The following YEATS2 variants were observed in gnomAD, a reference collection of about 807,000 sequenced individuals.
YEATS2 encodes YEATS domain-containing protein 2.
A neutral mutation model predicts 163.2 loss-of-function variants in YEATS2; 77 were observed. The ratio of observed to expected loss-of-function variants is 0.47; its 90% CI spans 0.39 to 0.57. The LOEUF is 0.57. Ranked by LOEUF, YEATS2 falls within the 20% of genes least tolerant of loss-of-function variation. YEATS2 has a pLI of 0.00. For synonymous variants in YEATS2, 631 were observed against 645.1 expected (o/e 0.98, Z 0.33); for missense variants, 1,549 against 1,729.8 (o/e 0.90, Z 1.85).
rs1052845126 is a variant in YEATS2 at position 183,773,670 on chromosome 3, C to T, written c.2244C>T (p.Ala748=). Residue 748 remains alanine (A), a synonymous_variant, in exon 17 of 31, where the codon GCC becomes GCT. Coordinates refer to ENST00000305135, the MANE Select transcript of YEATS2 (RefSeq NM_018023.5). ...ATLQLPATNL[A]NLANLPPGTK... is the part of the protein sequence containing the mutation. ...TGCAGCTACCAGCCACTAATTTGGCCAACTTGGCAAATTTGCCTCCTGGCA... is the reference window on the plus strand; with the variant it reads ...TGCAGCTACCAGCCACTAATTTGGCTAACTTGGCAAATTTGCCTCCTGGCA... The T allele has an allele frequency of 4.3e-6, 7 of 1,610,752 alleles. No homozygotes were observed. The highest frequency in any genetic ancestry group is 5.9e-6 in the Non-Finnish European group (7 of 1,178,972).
chr3:183,703,737 T>G (rs1714344189), intron 1 of YEATS2, among the ~76,000 whole-genome samples: 1 of 152,022 alleles, frequency 6.6e-6, no homozygotes, highest in South Asian at 2.1e-4. Flanking sequence ...ATTCTTAGAG[T>G]GTACATTGAA....
At position 183,810,362 on chromosome 3, in the gene YEATS2, C is replaced by T. The variant is rs1485375798; in HGVS notation, c.4161-113C>T. ...CTAAGCTATGTCTGTGGCTCAGGAGCCCTCTCCACGGGGCCTCTGCCTGGG... is the reference window on the plus strand; with the variant it reads ...CTAAGCTATGTCTGTGGCTCAGGAGTCCTCTCCACGGGGCCTCTGCCTGGG... On this transcript the variant is annotated intron_variant, in intron 30 of 30. Coordinates refer to ENST00000305135, the MANE Select transcript of YEATS2 (RefSeq NM_018023.5). 4.4e-6 allele frequency: 4 copies of T among 907,406 alleles called. No homozygotes were observed. The East Asian group carries it at 1.1e-4, about 24-fold the overall frequency. The allele number at this position is 907,406 out of a possible 1,614,324, so 56.2% of individuals were successfully genotyped here.
chr3:183,799,044 C>G (rs926476755), intron 23 of YEATS2, 55 bp downstream of exon 23: 2 of 1,320,352 alleles, frequency 1.5e-6, no homozygotes, highest in African/African-American at 2.9e-5. Flanking sequence ...TTTTTATTGT[C>G]GTTCACGTTC....
chr3:183,807,080 T>C lies in YEATS2; in HGVS notation c.3999T>C (p.Asp1333=). The stretch of plus-strand genomic sequence containing the variant: ...CCCCAGGGTCTGAATTTATTGGGGA[T>C]GTCACACAGAAGGTAGGGGTTGTGG... The part of the protein sequence containing the change: ...PPTPGSEFIG[D]VTQKIGITLQ... Residue 1333 remains aspartate, a synonymous_variant, in exon 28 of 31, where the codon GAT becomes GAC. Coordinates refer to ENST00000305135, the MANE Select transcript of YEATS2 (RefSeq NM_018023.5). The C allele has an allele frequency of 6.2e-7, 1 of 1,613,402 alleles. No individual in the cohort carries two copies. Among genetic ancestry groups the C allele is most frequent in the Middle Eastern group, 1.6e-4 (1 of 6,062 alleles).
intron 30 of YEATS2, chr3:183,810,265 A>G (rs141073005): frequency 1.6e-5 from 8 of 496,410 alleles, no homozygotes. Context: ...CTTTTTTCCT[A>G]ATTATTCAAC....
At chr3:183,763,239 C>A (rs1337759210) in intron 15 of YEATS2, among the ~76,000 whole-genome samples, 1 of 152,108 alleles carries the variant, frequency 6.6e-6, no homozygotes, top group African/African-American at 2.4e-5. Context: ...CACACTTAGG[C>A]TGTATGGTGT....
chr3:183,734,266 G>A (rs1465212319), intron 7 of YEATS2, among the ~76,000 whole-genome samples: 2 of 152,172 alleles, frequency 1.3e-5, no homozygotes, highest in African/African-American at 4.8e-5. Flanking sequence ...GTCACCTTGG[G>A]GACATGGACT....
chr3:183,803,868 CT>C, intron 26 of YEATS2, 118 bp from the exon 27 acceptor site: 6 of 1,112,244 alleles, frequency 5.4e-6, no homozygotes, highest in East Asian at 5.2e-5. Context: ...AGGTTTTTTT[CT>C]TTAAAAAAAA....
chr3:183,791,504 T>G (rs1724651200), intron 21 of YEATS2, among the ~76,000 whole-genome samples: 1 of 152,248 alleles, frequency 6.6e-6, no homozygotes. Context: ...ACTATTTGAA[T>G]TTTTGAATGA....
chr3:183,798,108 T>G (rs2108507525), intron 22 of YEATS2, 57 bp downstream of exon 22: 1 of 1,602,510 alleles, frequency 6.2e-7, no homozygotes, highest in East Asian at 2.2e-5. Flanking sequence ...TCTCCCCGCA[T>G]TTACCAGGTG....
Position 183,728,866 on chromosome 3 carries a change from G to A in YEATS2, c.812+15G>A. 3 of 1,597,428 alleles carry A rather than the reference G, an allele frequency of 1.9e-6. No homozygotes were observed. Among genetic ancestry groups the A allele is most frequent in the Non-Finnish European group, 2.6e-6 (3 of 1,174,588 alleles). On this transcript the variant is annotated intron_variant, in intron 7 of 30. Transcript: ENST00000305135. ...GTGGAAGTTAGGTAAGCACGCTTGA[G>A]GTATTTAACCTAAATTGAAATGCAG...
chr3:183,792,347 G>C (rs541302208), intron 21 of YEATS2, among the ~76,000 whole-genome samples: 333 of 151,996 alleles, frequency 2.2e-3, no homozygotes, highest in African/African-American at 7.6e-3. Context: ...TCCCTGTGTC[G>C]ATGTGTTCTC....
intron 29 of YEATS2, chr3:183,808,786 G>A (rs1726491755): frequency 4.8e-6 from 1 of 208,070 alleles, no homozygotes; most frequent in East Asian, 1.3e-4. Context: ...AACCCGGGAG[G>A]CGGAGGTTGC....
At chr3:183,798,786 C>G (rs1725397566) in intron 22 of YEATS2, 105 bp from the exon 23 acceptor site, 3 of 864,834 alleles carry the variant, frequency 3.5e-6, no homozygotes, top group Non-Finnish European at 5.8e-6. Flanking sequence ...CTCAAGTTGC[C>G]TTTGTGCTGT....
At chr3:183,764,397 T>C (rs1449999766) in intron 15 of YEATS2, among the ~76,000 whole-genome samples, 2 of 135,442 alleles carry the variant, frequency 1.5e-5, no homozygotes, top group Non-Finnish European at 3.2e-5. Flanking sequence ...AAAAAAGATA[T>C]CATATAGATG....
Position 183,715,243 on chromosome 3 carries a change from T to A in YEATS2, c.81T>A (p.His27Gln), listed in dbSNP as rs1268697542. 1.2e-6 allele frequency: 2 copies of A among 1,609,390 alleles called. No individual in the cohort carries two copies. Among genetic ancestry groups the A allele is most frequent in the Non-Finnish European group, 1.7e-6 (2 of 1,179,174 alleles). Residue 27 changes from histidine (H) to glutamine (Q), a missense_variant, in exon 2 of 31, where the codon CAT (histidine) becomes CAA (glutamine). Coordinates refer to ENST00000305135, the MANE Select transcript of YEATS2 (RefSeq NM_018023.5). ...DVSVALPNKR[H>Q]KAIENSARDA... ...CTGTGGCCCTTCCAAATAAGCGGCA[T>A]AAAGCAATTGAGAATTCAGGTAGAA...
chr3:183,725,041 C>CTTTTTTTTTTTTTTTTTTTT (rs62826962), intron 6 of YEATS2, among the ~76,000 whole-genome samples: 8 of 87,502 alleles, frequency 9.1e-5, no homozygotes, highest in Admixed American at 1.4e-4. Context: ...CCGTGCCGGC[C>CTTTTTTTTTTTTTTTTTTTT]TTTTTTTTTT....
chr3:183,751,850 T>C (rs1266250192), intron 9 of YEATS2, among the ~76,000 whole-genome samples: 2 of 152,188 alleles, frequency 1.3e-5, no homozygotes, highest in African/African-American at 4.8e-5. Flanking sequence ...TCACTGAGAT[T>C]TGTATGTTAA....
At chr3:183,744,499 A>G (rs1189594964) in intron 8 of YEATS2, among the ~76,000 whole-genome samples, 1 of 152,222 alleles carries the variant, frequency 6.6e-6, no homozygotes, top group African/African-American at 2.4e-5. Context: ...TCTCTAAACA[A>G]AAGGAATTCT....
Sources: gnomAD v4.1 joint callset for allele counts (sites outside exome capture counted in the v4.1 genomes callset) on GRCh38, gnomAD v4.1.1 for gene constraint, MANE v1.5 for transcripts, NCBI Gene and HGNC (gene_info 2026-07-23, HGNC 2026-07-21) for gene names.